The following CD101 variants were observed in gnomAD, a reference collection of about 807,000 sequenced individuals.
The protein encoded by CD101 is immunoglobulin superfamily member 2.
Under a neutral mutation model 98.2 loss-of-function variants are expected in CD101, and 76 were observed. The observed-to-expected ratio is 0.77, with a 90% CI of 0.64 to 0.94. The LOEUF (loss-of-function observed/expected upper bound fraction) is 0.94, where lower values mean the gene tolerates loss of function less well. Among genes scored for constraint, CD101 ranks in the 40% least tolerant of loss-of-function variants. The pLI is 0.00. For missense variants in CD101, 1,145 were observed against 1,218.8 expected, an observed-to-expected ratio of 0.94 and a Z score of 0.90; for synonymous variants, 471 against 472.7, an observed-to-expected ratio of 1.00 and a Z score of 0.05.
chr1:117,006,104 T>G lies in CD101; in HGVS notation c.44-3746T>G, dbSNP rs867071994. Among the ~76,000 whole-genome samples, 3 of 152,244 alleles carry G rather than the reference T, an allele frequency of 2.0e-5. No homozygotes were observed. The highest frequency in any genetic ancestry group is 2.1e-4 in the South Asian group (1 of 4,828). On this transcript the variant is annotated intron_variant, in intron 1 of 9. Transcript: ENST00000682167. The surrounding 1 kb of genome is among the most constrained non-coding windows in gnomAD (Gnocchi z 4.4). ...CACACAACAGTAACTCTTCCTAATATCTGTATTTCTAGTCAGAGTATCAAT... is the reference window on the plus strand; with the variant it reads ...CACACAACAGTAACTCTTCCTAATAGCTGTATTTCTAGTCAGAGTATCAAT...
rs553626516 is a variant in CD101 at position 117,028,608 on chromosome 1, G to A, written c.2824+2704G>A. 7.8e-4 allele frequency among the ~76,000 whole-genome samples: 119 copies of A among 152,314 alleles called. 1 individual carries two copies. Among genetic ancestry groups the A allele is most frequent in the South Asian group, 6.8e-3 (33 of 4,822 alleles). ...TCTGGGATAAATTGCCATTTCTCAG[G>A]GAGTGGAGAGCCTGTGAAGGAGACT... On this transcript the variant is annotated intron_variant, in intron 8 of 9. Coordinates refer to ENST00000682167, the MANE Select transcript of CD101 (RefSeq NM_001256106.3).
At position 117,011,821 on chromosome 1, in the gene CD101, C is replaced by G. The variant is rs534357368; in HGVS notation, c.696C>G (p.Phe232Leu). 3 of 1,614,178 alleles carry G rather than the reference C, an allele frequency of 1.9e-6. No individual in the cohort carries two copies. In the South Asian group the frequency reaches 3.3e-5, roughly 18 times the overall value. The change falls in exon 3 of 10, where the codon TTC (phenylalanine) becomes TTG (leucine). Residue 232 changes from phenylalanine (F) to leucine (L), a missense_variant. Phe to Leu is a conservative substitution (Grantham distance 22). Transcript: ENST00000682167. ...TCAACAAACTGGGACCCACTACATT[C>G]AGGCTGTCCATAGAGAGGCTCCAGT... ...VQLNKLGPTT[F>L]RLSIERLQSS...
chr1:117,030,020 C>T (rs1654347671), intron 8 of CD101, among the ~76,000 whole-genome samples: 1 of 152,160 alleles, frequency 6.6e-6, no homozygotes, highest in African/African-American at 2.4e-5. Context: ...ATAGGCCAGG[C>T]TATAAGGCTT....
In CD101 at chr1:117,006,842, C is replaced by T. The variant is rs1256981401; in HGVS notation, c.44-3008C>T. ...AAGTCAGAATCTAGCCTAAATTCAT[C>T]TTCATATCTTAGTCCCTCAAGCATG... On this transcript the variant is annotated intron_variant, in intron 1 of 9. Coordinates refer to ENST00000682167, the MANE Select transcript of CD101 (RefSeq NM_001256106.3). This position sits in a 1 kb window ranked among gnomAD's most constrained non-coding sequence, Gnocchi z 4.4. Among the ~76,000 whole-genome samples, 1 of 152,154 alleles carries T rather than the reference C, an allele frequency of 6.6e-6. No individual in the cohort carries two copies. Among genetic ancestry groups the T allele is most frequent in the East Asian group, 1.9e-4 (1 of 5,196 alleles).
chr1:117,030,578 C>T (rs909006210), intron 8 of CD101, among the ~76,000 whole-genome samples: 8 of 152,158 alleles, frequency 5.3e-5, no homozygotes, highest in Admixed American at 1.3e-4. Context: ...TTGGAGATGC[C>T]AAGCTACTTA....
At chr1:117,029,225 G>GAAAAGAAAGA (rs1236375028) in intron 8 of CD101, among the ~76,000 whole-genome samples, 3 of 49,840 alleles carry the variant, frequency 6.0e-5, no homozygotes, top group African/African-American at 1.2e-4. Context: ...AAGAAAGAAA[G>GAAAAGAAAGA]AAAGAAAGAA....
chr1:117,029,375 G>A (rs1315260253), intron 8 of CD101, among the ~76,000 whole-genome samples: 2 of 152,150 alleles, frequency 1.3e-5, no homozygotes, highest in African/African-American at 4.8e-5. Flanking sequence ...GAGTAGATAC[G>A]ACTGTCAGTC....
chr1:117,029,222 AAAGAAAGAAAGAAAGAAAG>A lies in CD101; in HGVS notation c.2824+3321_2824+3339del, dbSNP rs1482855481. On this transcript the variant is annotated intron_variant, in intron 8 of 9. Coordinates refer to ENST00000682167, the MANE Select transcript of CD101 (RefSeq NM_001256106.3). ...AAGAAAGAAAAGAAAGAAAAGAAAG[AAAGAAAGAAAGAAAGAAAG>A]AAAGAAAGAAAGAAAGAAAGAAAGA... Among the ~76,000 whole-genome samples the A allele has an allele frequency of 8.7e-4, 45 of 51,958 alleles. 2 individuals carry two copies. Among genetic ancestry groups the A allele is most frequent in the African/African-American group, 2.2e-3 (25 of 11,620 alleles). 34.1% of individuals were successfully genotyped at this position (51,958 alleles called of 152,430 possible). A position where few individuals can be genotyped will look rare whatever the true frequency, so the allele number is the denominator to read the frequency against.
Position 117,010,282 on chromosome 1 carries a change from C to A in CD101, c.424+52C>A. On this transcript the variant is annotated intron_variant, in intron 2 of 9. Coordinates refer to ENST00000682167, the MANE Select transcript of CD101 (RefSeq NM_001256106.3). This position sits in a 1 kb window ranked among gnomAD's most constrained non-coding sequence, Gnocchi z 5.2. ...CCAGCCCCTGAGAAGCCAGAGTCTC[C>A]ACCATGACAATATCTTGCAATATGA... The A allele has an allele frequency of 1.3e-6, 2 of 1,550,764 alleles. No homozygotes were observed. Among genetic ancestry groups the A allele is most frequent in the Admixed American group, 1.8e-5 (1 of 54,080 alleles).
Position 117,018,386 on chromosome 1 carries a change from A to C in CD101, c.1843A>C (p.Lys615Gln), listed in dbSNP as rs962792736. The C allele has an allele frequency of 1.2e-5, 20 of 1,614,054 alleles. No homozygotes were observed. Among genetic ancestry groups the C allele is most frequent in the Non-Finnish European group, 1.4e-5 (17 of 1,180,038 alleles). Residue 615 changes from lysine to glutamine, a missense_variant, in exon 6 of 10, where the codon AAA (lysine) becomes CAA (glutamine). Physicochemically the swap from Lys to Gln is moderately conservative, Grantham distance 53. Coordinates refer to ENST00000682167, the MANE Select transcript of CD101 (RefSeq NM_001256106.3). This position sits in a 1 kb window ranked among gnomAD's most constrained non-coding sequence, Gnocchi z 4.3. The stretch of plus-strand genomic sequence containing the variant: ...CCTATCCCGGTTCCAAAAGAAGACG[A>C]AAGTGTCGCAGTCTTTATTTCGTTC... The part of the protein sequence containing the change: ...NFLSRFQKKT[K>Q]VSQSLFRSQL...
In CD101 at chr1:117,004,832, G is replaced by A. The variant is rs1652435965; in HGVS notation, c.43+2972G>A. On this transcript the variant is annotated intron_variant, in intron 1 of 9. Coordinates refer to ENST00000682167, the MANE Select transcript of CD101 (RefSeq NM_001256106.3). The surrounding 1 kb of genome is among the most constrained non-coding windows in gnomAD (Gnocchi z 4.1). Reference sequence around the variant, plus strand: ...CTCAGAAAGTAGTATGTCTTAGACTGTTTGGCGTGTTGTAGCAAAAGTACC... The same window carrying A: ...CTCAGAAAGTAGTATGTCTTAGACTATTTGGCGTGTTGTAGCAAAAGTACC... Among the ~76,000 whole-genome samples, 1 of 139,380 alleles carries A rather than the reference G, an allele frequency of 7.2e-6. No homozygotes were observed. The highest frequency in any genetic ancestry group is 1.5e-5 in the Non-Finnish European group (1 of 64,944). 91.4% of individuals were successfully genotyped at this position (139,380 alleles called of 152,430 possible). A position where few individuals can be genotyped will look rare whatever the true frequency, so the allele number is the denominator to read the frequency against.
intron 7 of CD101, among the ~76,000 whole-genome samples, chr1:117,024,544 G>C (rs1166743969): frequency 6.6e-6 from 1 of 152,048 alleles, no homozygotes; most frequent in East Asian, 1.9e-4. Context: ...TAGTGGAATT[G>C]AAAATGTAAT....
Position 117,013,604 on chromosome 1 carries a change from A to T in CD101, c.1040A>T (p.Gln347Leu), listed in dbSNP as rs777161924. 6 of 1,614,210 alleles carry T rather than the reference A, an allele frequency of 3.7e-6. No individual in the cohort carries two copies. The highest frequency in any genetic ancestry group is 5.1e-6 in the Non-Finnish European group (6 of 1,180,030). ...AATGACTACAAAGAGAGAGCAAGTCAAGGAGAGCTCCAGGTTTCAAAGTTA... is the reference window on the plus strand; with the variant it reads ...AATGACTACAAAGAGAGAGCAAGTCTAGGAGAGCTCCAGGTTTCAAAGTTA... ...LKNDYKERASQGELQVSKLGP... is the reference protein window; with the variant it reads ...LKNDYKERASLGELQVSKLGP... The change falls in exon 4 of 10, where the codon CAA (glutamine) becomes CTA (leucine). Residue 347 changes from glutamine (Q) to leucine (L), a missense_variant. By Grantham distance (113) the Gln-to-Leu change is moderately radical. Coordinates refer to ENST00000682167, the MANE Select transcript of CD101 (RefSeq NM_001256106.3).
At chr1:117,030,003 T>G (rs887053850) in intron 8 of CD101, among the ~76,000 whole-genome samples, 3 of 152,220 alleles carry the variant, frequency 2.0e-5, no homozygotes, top group Non-Finnish European at 4.4e-5. Flanking sequence ...TTGTCTGTGA[T>G]TAATTGATAG....
At chr1:117,025,216 A>G (rs1266778236) in intron 7 of CD101, among the ~76,000 whole-genome samples, 1 of 151,964 alleles carries the variant, frequency 6.6e-6, no homozygotes, top group Admixed American at 6.6e-5. Flanking sequence ...TACAAAAATC[A>G]GCTGGGCATG....
At position 117,013,390 on chromosome 1, in the gene CD101, T is replaced by A. The variant is rs1394207249; in HGVS notation, c.842-16T>A. The A allele has an allele frequency of 6.3e-7, 1 of 1,593,374 alleles. No homozygotes were observed. The highest frequency in any genetic ancestry group is 8.6e-7 in the Non-Finnish European group (1 of 1,168,064). ...CTGTGGGCTCTCTAAATACCTGCCT[T>A]GCTTTTGTTTCCCAGTGAAAGATTT... is the stretch of plus-strand genomic sequence containing the variant. On this transcript the variant is annotated splice_polypyrimidine_tract_variant and intron_variant, in intron 3 of 9. Coordinates refer to ENST00000682167, the MANE Select transcript of CD101 (RefSeq NM_001256106.3).
intron 4 of CD101, 27 bp downstream of exon 4, chr1:117,013,819 A>T: frequency 6.3e-7 from 1 of 1,580,918 alleles, no homozygotes; most frequent in Non-Finnish European, 8.6e-7. Context: ...CCAGGCATGC[A>T]TTGGGCTGCT....
At position 117,023,022 on chromosome 1, in the gene CD101, C is replaced by T. The variant is rs1653677265; in HGVS notation, c.2428+1039C>T. ...TTAAACACTGCCCTGGTTTCAACTA[C>T]CACCTTCTAGATGATAACTCTGAGA... On this transcript the variant is annotated intron_variant, in intron 7 of 9. Coordinates refer to ENST00000682167, the MANE Select transcript of CD101 (RefSeq NM_001256106.3). The surrounding 1 kb of genome is among the most constrained non-coding windows in gnomAD (Gnocchi z 4.4). Among the ~76,000 whole-genome samples the T allele has an allele frequency of 6.6e-6, 1 of 152,244 alleles. No homozygotes were observed.
rs183186729 is a variant in CD101 at position 117,017,216 on chromosome 1, G to A, written c.1355G>A (p.Arg452Gln). Residue 452 changes from arginine (R) to glutamine (Q), a missense_variant, in exon 5 of 10, where the codon CGG becomes CAG. By Grantham distance (43) the Arg-to-Gln change is conservative. Transcript: ENST00000682167. ...TCTGTGAGCTGGTGGCACATCCCACGGGACCAGACACAGCCCGAGTTTGTG... is the reference window on the plus strand; with the variant it reads ...TCTGTGAGCTGGTGGCACATCCCACAGGACCAGACACAGCCCGAGTTTGTG... ...PLSVSWWHIP[R>Q]DQTQPEFVAG... is the part of the protein sequence containing the mutation. The A allele has an allele frequency of 1.2e-4, 186 of 1,614,174 alleles. 2 individuals are homozygous for A. The East Asian group carries it at 3.2e-3, about 28-fold the overall frequency.
Sources: gnomAD v4.1 joint callset for allele counts (sites outside exome capture counted in the v4.1 genomes callset) on GRCh38, gnomAD v4.1.1 for gene constraint, Gnocchi (gnomAD v3.1) non-coding constraint, MANE v1.5 for transcripts, NCBI Gene and HGNC (gene_info 2026-07-23, HGNC 2026-07-21) for gene names.